The following SLC17A7 variants were observed in gnomAD, a reference collection of about 807,000 sequenced individuals.
SLC17A7 encodes solute carrier family 17 member 7, also known as vesicular glutamate transporter 1.
In SLC17A7, 15 loss-of-function variants were observed where a neutral mutation model predicts 59.1. The observed-to-expected ratio is 0.25, with a 90% confidence interval of 0.17 to 0.39. The LOEUF (loss-of-function observed/expected upper bound fraction) is 0.39, where lower values mean the gene tolerates loss of function less well. Ranked by LOEUF, SLC17A7 falls within the 10% of genes least tolerant of loss-of-function variation. The probability of loss-of-function intolerance (pLI) is 1.00; values close to 1 mark genes in which losing one functional copy is unlikely to be tolerated. For synonymous variants in SLC17A7, 353 were observed against 308.9 expected (o/e 1.14, Z -1.50); for missense variants, 499 against 765.1 (o/e 0.65, Z 4.10).
chr19:49,434,707 A>G lies in SLC17A7; in HGVS notation c.550-18T>C. On this transcript the variant is annotated intron_variant, in intron 4 of 11. Coordinates refer to ENST00000221485, the MANE Select transcript of SLC17A7 (RefSeq NM_020309.4). ...GTGACCCCCTAAAGAGGAGAAAACC[A>G]AGGTCACTGAGAAGAGGCAGGGTCC... 1 of 1,614,138 alleles carries G rather than the reference A, an allele frequency of 6.2e-7. No homozygotes were observed. Among genetic ancestry groups the G allele is most frequent in the Non-Finnish European group, 8.5e-7 (1 of 1,179,976 alleles).
At chr19:49,439,614 C>T (rs1568636404) in intron 1 of SLC17A7, among the ~76,000 whole-genome samples, 1 of 152,186 alleles carries the variant, frequency 6.6e-6, no homozygotes, top group Non-Finnish European at 1.5e-5. Context: ...CTCAGTTTCC[C>T]CATCTTTGTC....
At chr19:49,441,159 G>A (rs545918244) in intron 1 of SLC17A7, among the ~76,000 whole-genome samples, 159 bp downstream of exon 1, 31 of 152,202 alleles carry the variant, frequency 2.0e-4, no homozygotes, top group African/African-American at 5.5e-4. Context: ...GCTCGACCAG[G>A]GAGAACAGCG....
At chr19:49,440,793 C>T (rs900753126) in intron 1 of SLC17A7, among the ~76,000 whole-genome samples, 4 of 150,690 alleles carry the variant, frequency 2.7e-5, no homozygotes, top group African/African-American at 4.9e-5. Context: ...ACCAGAGATC[C>T]AGGGAAGAGG....
In SLC17A7 at chr19:49,435,219, A is replaced by G. The variant is rs755334808; in HGVS notation, c.383T>C (p.Ile128Thr). The change falls in exon 3 of 12, where the codon ATT becomes ACT. Residue 128 changes from isoleucine (I) to threonine (T), a missense_variant. Transcript: ENST00000221485. Reference sequence around the variant, plus strand: ...AAATCCTCCTGGAATCTGAGTGACAATGTAGCCCCAGAAAAAGGAGCCGTG... The same window carrying G: ...AAATCCTCCTGGAATCTGAGTGACAGTGTAGCCCCAGAAAAAGGAGCCGTG... ...LIHGSFFWGY[I>T]VTQIPGGFIC... 1 of 1,614,138 alleles carries G rather than the reference A, an allele frequency of 6.2e-7. No individual in the cohort carries two copies. The highest frequency in any genetic ancestry group is 8.5e-7 in the Non-Finnish European group (1 of 1,180,020).
At chr19:49,440,662 G>T (rs550239116) in intron 1 of SLC17A7, among the ~76,000 whole-genome samples, 1 of 152,204 alleles carries the variant, frequency 6.6e-6, no homozygotes, top group Non-Finnish European at 1.5e-5. Context: ...GCCCCAATCC[G>T]CTTTAGCTGC....
At position 49,433,192 on chromosome 19, in the gene SLC17A7, G is replaced by T. The variant is rs1259381813; in HGVS notation, c.868-232C>A. On this transcript the variant is annotated intron_variant, in intron 7 of 11. Transcript: ENST00000221485. The surrounding 1 kb of genome is among the most constrained non-coding windows in gnomAD (Gnocchi z 5.7). The stretch of plus-strand genomic sequence containing the variant: ...GTCCTGGCCCTATGGTAGCCTCTCA[G>T]GTCCGCAGGTGTCCGGGCCCCTCAG... 5.3e-6 allele frequency: 3 copies of T among 567,820 alleles called. No homozygotes were observed. The highest frequency in any genetic ancestry group is 9.3e-6 in the Non-Finnish European group (3 of 322,882). 35.2% of individuals were successfully genotyped at this position (567,820 alleles called of 1,614,324 possible). A position where few individuals can be genotyped will look rare whatever the true frequency, so the allele number is the denominator to read the frequency against.
chr19:49,441,035 A>G (rs1461436857), intron 1 of SLC17A7, among the ~76,000 whole-genome samples: 2 of 152,080 alleles, frequency 1.3e-5, no homozygotes, highest in South Asian at 4.1e-4. Context: ...GGGGACAGAG[A>G]CCCAGAAGTG....
In SLC17A7 at chr19:49,434,021, C is replaced by G. The variant is rs1196389313; in HGVS notation, c.663G>C (p.Ala221=). The change falls in exon 6 of 12, where the codon GCG becomes GCC. Residue 221 remains alanine, a synonymous_variant. Transcript: ENST00000221485. Reference sequence around the variant, plus strand: ...GCACAAGGACCCCGGCGAGGGGCATCGCGACCACCGCCCCAGCATAGGAAC... The same window carrying G: ...GCACAAGGACCCCGGCGAGGGGCATGGCGACCACCGCCCCAGCATAGGAAC... ...FCGSYAGAVV[A]MPLAGVLVQY... is the part of the protein sequence containing the mutation. The G allele has an allele frequency of 6.2e-7, 1 of 1,613,076 alleles. No homozygotes were observed. The highest frequency in any genetic ancestry group is 1.3e-5 in the African/African-American group (1 of 74,938).
At chr19:49,440,140 T>C (rs2078994873) in intron 1 of SLC17A7, among the ~76,000 whole-genome samples, 1 of 152,184 alleles carries the variant, frequency 6.6e-6, no homozygotes, top group South Asian at 2.1e-4. Flanking sequence ...TTGTCTCTCA[T>C]GTTACTAGAG....
intron 1 of SLC17A7, among the ~76,000 whole-genome samples, chr19:49,439,434 C>A (rs534208615): frequency 5.3e-5 from 8 of 152,248 alleles, no homozygotes; most frequent in Middle Eastern, 3.4e-3. Flanking sequence ...GCATCCCATT[C>A]CCCCATGTCC....
rs369525295 is a variant in SLC17A7, at chr19:49,433,932, C to A, written c.724+28G>T. 3 of 1,613,460 alleles carry A rather than the reference C, an allele frequency of 1.9e-6. No homozygotes were observed. Among genetic ancestry groups the A allele is most frequent in the Non-Finnish European group, 1.7e-6 (2 of 1,179,800 alleles). On this transcript the variant is annotated intron_variant, in intron 6 of 11. Transcript: ENST00000221485. The surrounding 1 kb of genome is among the most constrained non-coding windows in gnomAD (Gnocchi z 5.7). ...CCGGCCCCGCTCCGCCCCAGCGCCA[C>A]CCGGAACCAGGCATCCGGGTCCCTC...
intron 9 of SLC17A7, among the ~76,000 whole-genome samples, chr19:49,432,311 G>T (rs2078963656): frequency 6.6e-6 from 1 of 152,128 alleles, no homozygotes; most frequent in Non-Finnish European, 1.5e-5. Context: ...CTTCCGCGCG[G>T]TGGCCCCTTG....
chr19:49,429,535 T>A lies in SLC17A7; in HGVS notation c.*984A>T, dbSNP rs1387554853. ...TGCCCCATTCCCTTTCATGGGATTC[T>A]GTGACTTCTCTATAGGTTCCCCAAA... On this transcript the variant is annotated 3_prime_UTR_variant, in exon 12 of 12. Transcript: ENST00000221485. 7.5e-6 allele frequency: 3 copies of A among 398,966 alleles called. No individual in the cohort carries two copies. Among genetic ancestry groups the A allele is most frequent in the Non-Finnish European group, 1.3e-5 (3 of 226,090 alleles). 24.7% of individuals were successfully genotyped at this position (398,966 alleles called of 1,614,324 possible). A position where few individuals can be genotyped will look rare whatever the true frequency, so the allele number is the denominator to read the frequency against.
chr19:49,435,444 A>C lies in SLC17A7; in HGVS notation c.316-158T>G, dbSNP rs2078976443. ...CAAAGCTCACACTATCTTTCTGTCA[A>C]TTAAAGTCTACAAACTCCGCTCTTC... On this transcript the variant is annotated intron_variant, in intron 2 of 11. Transcript: ENST00000221485. 8.0e-6 allele frequency: 5 copies of C among 623,538 alleles called. 1 individual carries two copies. In the South Asian group the frequency reaches 9.6e-5, roughly 12 times the overall value. The allele number at this position is 623,538 out of a possible 1,614,324, so 38.6% of individuals were successfully genotyped here.
Position 49,431,598 on chromosome 19 carries a change from C to T in SLC17A7, c.1151-150G>A. The T allele has an allele frequency of 1.6e-6, 1 of 642,498 alleles. No homozygotes were observed. The highest frequency in any genetic ancestry group is 2.7e-5 in the East Asian group (1 of 36,496). The allele number at this position is 642,498 out of a possible 1,614,324, so 39.8% of individuals were successfully genotyped here. ...CTCCACGCCCAGGCCTCTTCGCGCC[C>T]TCCACGCCACCCGCACCCACCCTAA... is the stretch of plus-strand genomic sequence containing the variant. On this transcript the variant is annotated intron_variant, in intron 9 of 11. Coordinates refer to ENST00000221485, the MANE Select transcript of SLC17A7 (RefSeq NM_020309.4). This position sits in a 1 kb window ranked among gnomAD's most constrained non-coding sequence, Gnocchi z 4.6.
At position 49,433,530 on chromosome 19, in the gene SLC17A7, G is replaced by A. The variant is rs971199234; in HGVS notation, c.867+196C>T. 1.5e-5 allele frequency: 11 copies of A among 748,462 alleles called. No individual in the cohort carries two copies. The highest frequency in any genetic ancestry group is 1.0e-4 in the Admixed American group (5 of 49,896). 46.4% of individuals were successfully genotyped at this position (748,462 alleles called of 1,614,324 possible). Reference sequence around the variant, plus strand: ...GTGGTTCTAATCCTGCTCAACTCCCGACCTAACCCTGCCCCCAGCACCTGA... The same window carrying A: ...GTGGTTCTAATCCTGCTCAACTCCCAACCTAACCCTGCCCCCAGCACCTGA... On this transcript the variant is annotated intron_variant, in intron 7 of 11. Transcript: ENST00000221485. The surrounding 1 kb of genome is among the most constrained non-coding windows in gnomAD (Gnocchi z 5.7).
Position 49,431,581 on chromosome 19 carries a change from C to T in SLC17A7, c.1151-133G>A, listed in dbSNP as rs1008838066. The T allele has an allele frequency of 1.4e-6, 1 of 692,122 alleles. No homozygotes were observed. Among genetic ancestry groups the T allele is most frequent in the Non-Finnish European group, 2.4e-6 (1 of 409,894 alleles). The allele number at this position is 692,122 out of a possible 1,614,324, so 42.9% of individuals were successfully genotyped here. ...CACCCCAGTCTGGCCACCTCCACGCCCAGGCCTCTTCGCGCCCTCCACGCC... is the reference window on the plus strand; with the variant it reads ...CACCCCAGTCTGGCCACCTCCACGCTCAGGCCTCTTCGCGCCCTCCACGCC... On this transcript the variant is annotated intron_variant, in intron 9 of 11. Transcript: ENST00000221485. The surrounding 1 kb of genome is among the most constrained non-coding windows in gnomAD (Gnocchi z 4.6).
At position 49,434,030 on chromosome 19, in the gene SLC17A7, C is replaced by A. The variant is rs766791421; in HGVS notation, c.654G>T (p.Ala218=). The change falls in exon 6 of 12, where the codon GCG becomes GCT. Residue 218 remains alanine (A), a synonymous_variant. Transcript: ENST00000221485. ...CCCCGGCGAGGGGCATCGCGACCACCGCCCCAGCATAGGAACCTAAGGGGG... is the reference window on the plus strand; with the variant it reads ...CCCCGGCGAGGGGCATCGCGACCACAGCCCCAGCATAGGAACCTAAGGGGG... ...TTAFCGSYAG[A]VVAMPLAGVL... 6.2e-7 allele frequency: 1 copy of A among 1,613,016 alleles called. No homozygotes were observed. The highest frequency in any genetic ancestry group is 8.5e-7 in the Non-Finnish European group (1 of 1,179,446).
chr19:49,436,910 C>T lies in SLC17A7; in HGVS notation c.63-109G>A. The T allele has an allele frequency of 7.0e-7, 1 of 1,429,876 alleles. No homozygotes were observed. Among genetic ancestry groups the T allele is most frequent in the Non-Finnish European group, 9.3e-7 (1 of 1,078,118 alleles). The allele number at this position is 1,429,876 out of a possible 1,614,324, so 88.6% of individuals were successfully genotyped here. ...GCTTTTCAACATCCAGAATTCTAAG[C>T]CCGCACCTCCTCCTTCACCAAGAGT... is the stretch of plus-strand genomic sequence containing the variant. On this transcript the variant is annotated intron_variant, in intron 1 of 11. Coordinates refer to ENST00000221485, the MANE Select transcript of SLC17A7 (RefSeq NM_020309.4). This position sits in a 1 kb window ranked among gnomAD's most constrained non-coding sequence, Gnocchi z 4.1.
Sources: allele counts gnomAD v4.1 joint callset (sites outside exome capture counted in the v4.1 genomes callset), GRCh38; gene constraint gnomAD v4.1.1; non-coding constraint Gnocchi (gnomAD v3.1); transcripts MANE v1.5; gene names NCBI Gene and HGNC (gene_info 2026-07-23, HGNC 2026-07-21).